Variants in STARD3 observed in about 807,000 individuals in gnomAD.
The protein encoded by STARD3 is stAR-related lipid transfer protein 3.
A neutral mutation model predicts 62.0 loss-of-function variants in STARD3; 39 were observed. The observed-to-expected ratio is 0.63, with a 90% CI of 0.49 to 0.82. The LOEUF is 0.82. STARD3 is among the 40% of genes least tolerant of loss of function. The pLI is 0.00. For synonymous variants in STARD3, 229 were observed against 242.4 expected, an observed-to-expected ratio of 0.94 and a Z score of 0.51; for missense variants, 543 against 584.5, an observed-to-expected ratio of 0.93 and a Z score of 0.73.
rs76589307 is a variant in STARD3 at position 39,658,541 on chromosome 17, G to T, written c.547+19G>T. On this transcript the variant is annotated intron_variant, in intron 6 of 14. Transcript: ENST00000336308. Reference sequence around the variant, plus strand: ...GAGCGATGTGAGTGCTTGCGGGTAGGGGGGTGCAGCGAGGGTTACCCACAG... The same window carrying T: ...GAGCGATGTGAGTGCTTGCGGGTAGTGGGGTGCAGCGAGGGTTACCCACAG... 12 of 1,610,148 alleles carry T rather than the reference G, an allele frequency of 7.5e-6. No individual in the cohort carries two copies. Among genetic ancestry groups the T allele is most frequent in the Admixed American group, 6.7e-5 (4 of 59,892 alleles).
In STARD3 at chr17:39,662,278, C is replaced by T. The variant is rs753831085; in HGVS notation, c.1167C>T (p.Ile389=). Residue 389 remains isoleucine, a synonymous_variant, in exon 14 of 15, where the codon ATC becomes ATT. Coordinates refer to ENST00000336308, the MANE Select transcript of STARD3 (RefSeq NM_006804.4). ...VRGENGPGGF[I]VLKSASNPRV... ...GAGAGAATGGCCCTGGGGGCTTCAT[C>T]GTGCTCAAGTCGGCCAGTAACCCCC... 1.3e-5 allele frequency: 21 copies of T among 1,613,860 alleles called. No homozygotes were observed. Among genetic ancestry groups the T allele is most frequent in the Non-Finnish European group, 1.4e-5 (17 of 1,179,972 alleles).
chr17:39,656,650 A>G (rs984278186), intron 2 of STARD3, among the ~76,000 whole-genome samples: 26 of 151,700 alleles, frequency 1.7e-4, no homozygotes, highest in Admixed American at 3.3e-4. Context: ...TGGGAGGGAG[A>G]TGGGATTCTG....
chr17:39,662,303 CGT>C lies in STARD3; in HGVS notation c.1195_1196del (p.Val399LeufsTer8). The C allele has an allele frequency of 6.2e-7, 1 of 1,614,002 alleles. No homozygotes were observed. Among genetic ancestry groups the C allele is most frequent in the Non-Finnish European group, 8.5e-7 (1 of 1,179,968 alleles). ...CGTGCTCAAGTCGGCCAGTAACCCCCGTGTTTGCACCTTTGTCTGGATTCTTA... is the reference window on the plus strand; with the variant it reads ...CGTGCTCAAGTCGGCCAGTAACCCCCGTTTGCACCTTTGTCTGGATTCTTA... ...FIVLKSASNP[R>X]VCTFVWILNT... On this transcript the variant is annotated frameshift_variant, in exon 14 of 15. Transcript: ENST00000336308. LOFTEE classifies it high-confidence loss of function.
intron 8 of STARD3, 59 bp downstream of exon 8, chr17:39,659,165 G>C (rs1049093186): frequency 7.5e-6 from 12 of 1,608,276 alleles, no homozygotes; most frequent in Non-Finnish European, 1.0e-5. Context: ...AGGAGGGCGG[G>C]TGCAGGGGTC....
chr17:39,659,658 T>A, intron 9 of STARD3, 105 bp downstream of exon 9: 1 of 1,223,416 alleles, frequency 8.2e-7, no homozygotes, highest in Non-Finnish European at 1.2e-6. Flanking sequence ...GTTGGAGCCA[T>A]ATTCCTGCCC....
chr17:39,645,239 C>A (rs952607669), intron 1 of STARD3, among the ~76,000 whole-genome samples: 11 of 152,172 alleles, frequency 7.2e-5, no homozygotes, highest in African/African-American at 2.7e-4. Context: ...CCTCTACTTC[C>A]TGCCCCTCCC....
chr17:39,661,889 A>G (rs529652572), intron 13 of STARD3, among the ~76,000 whole-genome samples: 1 of 152,226 alleles, frequency 6.6e-6, no homozygotes, highest in South Asian at 2.1e-4. Context: ...TCCCCTCCTG[A>G]AGGGGAAGGG....
intron 1 of STARD3, among the ~76,000 whole-genome samples, chr17:39,641,580 C>T (rs1168649864): frequency 1.3e-5 from 2 of 152,186 alleles, no homozygotes; most frequent in Non-Finnish European, 2.9e-5. Flanking sequence ...GGCCAGGGTC[C>T]TGCCTCTAAC....
chr17:39,660,634 G>A lies in STARD3; in HGVS notation c.954+108G>A, dbSNP rs538630509. 4 of 1,405,754 alleles carry A rather than the reference G, an allele frequency of 2.8e-6. No individual in the cohort carries two copies. Among genetic ancestry groups the A allele is most frequent in the Admixed American group, 3.4e-5 (2 of 58,250 alleles). 87.1% of individuals were successfully genotyped at this position (1,405,754 alleles called of 1,614,324 possible). Reference sequence around the variant, plus strand: ...CAGCTGCCCCATCTGTACAGTGGGTGTGATGGTAACAGTGCCTGCTCGGGA... The same window carrying A: ...CAGCTGCCCCATCTGTACAGTGGGTATGATGGTAACAGTGCCTGCTCGGGA... On this transcript the variant is annotated intron_variant, in intron 11 of 14. Coordinates refer to ENST00000336308, the MANE Select transcript of STARD3 (RefSeq NM_006804.4). This position sits in a 1 kb window ranked among gnomAD's most constrained non-coding sequence, Gnocchi z 4.8.
chr17:39,652,155 A>G (rs2057084096), intron 1 of STARD3, among the ~76,000 whole-genome samples: 1 of 150,500 alleles, frequency 6.6e-6, no homozygotes. Context: ...ATCTGTGGGC[A>G]TGGGGTGGGG....
chr17:39,659,995 C>T, intron 9 of STARD3: 1 of 593,202 alleles, frequency 1.7e-6, no homozygotes, highest in Non-Finnish European at 3.0e-6. Flanking sequence ...GCAGCTGTCC[C>T]CCCGTCTTTT....
intron 1 of STARD3, among the ~76,000 whole-genome samples, chr17:39,645,555 C>T (rs1039010748): frequency 2.6e-5 from 4 of 151,564 alleles, no homozygotes; most frequent in Non-Finnish European, 4.4e-5. Flanking sequence ...CTGCAACCTC[C>T]GCTTCCCGGG....
chr17:39,659,502 G>C lies in STARD3; in HGVS notation c.744G>C (p.Val248=), dbSNP rs940700452. 2 of 1,614,068 alleles carry C rather than the reference G, an allele frequency of 1.2e-6. No individual in the cohort carries two copies. The highest frequency in any genetic ancestry group is 1.7e-5 in the Admixed American group (1 of 60,004). ...YIRQGKEATA[V]VDQILAQEEN... is the part of the protein sequence containing the mutation. ...GCCAGGGGAAGGAGGCCACGGCAGT[G>C]GTGGACCAGATCTTGGCCCAGGAAG... The change falls in exon 9 of 15, where the codon GTG becomes GTC. Residue 248 remains valine, a synonymous_variant. Coordinates refer to ENST00000336308, the MANE Select transcript of STARD3 (RefSeq NM_006804.4).
intron 1 of STARD3, among the ~76,000 whole-genome samples, chr17:39,647,288 G>T (rs1437589192): frequency 6.6e-6 from 1 of 151,450 alleles, no homozygotes; most frequent in African/African-American, 2.4e-5. Context: ...GCAGACACTC[G>T]ACTGTCAAGT....
At chr17:39,661,187 G>A (rs2145045482) in intron 13 of STARD3, 102 bp downstream of exon 13, 1 of 1,041,094 alleles carries the variant, frequency 9.6e-7, no homozygotes, top group Admixed American at 2.1e-5. Flanking sequence ...CCCCTGCTGA[G>A]GCTGCGTTCC....
rs776963917 is a variant in STARD3 at position 39,658,458 on chromosome 17, C to T, written c.483C>T (p.Leu161=). 2.2e-5 allele frequency: 36 copies of T among 1,614,038 alleles called. No individual in the cohort carries two copies. Among genetic ancestry groups the T allele is most frequent in the South Asian group, 2.2e-4 (20 of 91,090 alleles). ...TGCTCCCCATCGTCTCTTTTGTCCT[C>T]GCCTGGTTGGAGACCTGGTTCCTTG... The part of the protein sequence containing the change: ...GYLLPIVSFV[L]AWLETWFLDF... The change falls in exon 6 of 15, where the codon CTC becomes CTT. Residue 161 remains leucine, a synonymous_variant. Transcript: ENST00000336308.
chr17:39,649,333 A>T (rs917948315), intron 1 of STARD3, among the ~76,000 whole-genome samples: 1 of 152,218 alleles, frequency 6.6e-6, no homozygotes. Context: ...GAATATATAT[A>T]TGCGCTCAAG....
intron 1 of STARD3, among the ~76,000 whole-genome samples, chr17:39,640,820 G>C (rs116075250): frequency 0.015 from 2,252 of 150,826 alleles, 65 homozygotes; most frequent in African/African-American, 0.052. Context: ...TCCCCGGCTG[G>C]GGGGAGAAGT....
At chr17:39,657,173 T>C (rs2057139512) in intron 3 of STARD3, 88 bp downstream of exon 3, 2 of 1,298,280 alleles carry the variant, frequency 1.5e-6, no homozygotes, top group Admixed American at 1.7e-5. Flanking sequence ...TGGCAGCATA[T>C]ATCCAGTCTG....
Sources: gnomAD v4.1 joint callset for allele counts (sites outside exome capture counted in the v4.1 genomes callset) on GRCh38, gnomAD v4.1.1 for gene constraint, Gnocchi (gnomAD v3.1) non-coding constraint, MANE v1.5 for transcripts, NCBI Gene and HGNC (gene_info 2026-07-23, HGNC 2026-07-21) for gene names.